Variants in UBR2 observed in about 807,000 individuals in gnomAD.
The protein encoded by UBR2 is ubiquitin protein ligase E3 component n-recognin 2.
Under a neutral mutation model 247.9 loss-of-function variants are expected in UBR2, and 92 were observed. That is an observed-to-expected ratio of 0.37 (90% CI 0.31 to 0.44). The LOEUF is 0.44. Ranked by LOEUF, UBR2 falls within the 20% of genes least tolerant of loss-of-function variation. The pLI is 1.00. For missense variants in UBR2, 1,613 were observed against 2,112.6 expected (o/e 0.76, Z 4.64); for synonymous variants, 672 against 693.5 (o/e 0.97, Z 0.49).
In UBR2 at chr6:42,650,383, C is replaced by A. The variant is rs914442940; in HGVS notation, c.2562C>A (p.Ser854=). The part of the protein sequence containing the change: ...YFYHFSRAEQ[S]KAEEAQRKLK... ...ATCACTTTTCAAGGGCAGAACAGTCCAAGGTAATTGGGAAAATTAAAAATG... is the reference window on the plus strand; with the variant it reads ...ATCACTTTTCAAGGGCAGAACAGTCAAAGGTAATTGGGAAAATTAAAAATG... Residue 854 remains serine (S), a synonymous_variant, in exon 23 of 47, where the codon TCC becomes TCA. Transcript: ENST00000372901. 3 of 1,610,042 alleles carry A rather than the reference C, an allele frequency of 1.9e-6. No homozygotes were observed. The Admixed American group carries it at 5.1e-5, about 27-fold the overall frequency.
chr6:42,683,953 G>T (rs1436334254), intron 43 of UBR2, among the ~76,000 whole-genome samples: 1 of 152,282 alleles, frequency 6.6e-6, no homozygotes, highest in Non-Finnish European at 1.5e-5. Flanking sequence ...GTCCATAAAA[G>T]TCAGAAGACT....
rs1052087891 is a variant in UBR2, at chr6:42,587,080, A to C, written c.339-5071A>C. Among the ~76,000 whole-genome samples, 4 of 152,072 alleles carry C rather than the reference A, an allele frequency of 2.6e-5. 1 individual carries two copies. Among genetic ancestry groups the C allele is most frequent in the Admixed American group, 1.3e-4 (2 of 15,260 alleles). On this transcript the variant is annotated intron_variant, in intron 2 of 46. Transcript: ENST00000372901. ...GGTAATCCACCTGCCTGAGCCTCCC[A>C]AAGTGCTGGAATTACAGGCATGAGC...
chr6:42,679,906 C>A, intron 42 of UBR2, 74 bp downstream of exon 42: 1 of 979,738 alleles, frequency 1.0e-6, no homozygotes. Flanking sequence ...ACATATGTAG[C>A]AAAATTCTCA....
At chr6:42,588,910 C>G (rs1000908415) in intron 2 of UBR2, among the ~76,000 whole-genome samples, 8 of 152,126 alleles carry the variant, frequency 5.3e-5, no homozygotes, top group Non-Finnish European at 1.2e-4. Flanking sequence ...TGTAGTTATT[C>G]CTTGTCAAGT....
chr6:42,580,547 ATT>A (rs35507530), intron 2 of UBR2, among the ~76,000 whole-genome samples: 2 of 148,838 alleles, frequency 1.3e-5, no homozygotes, highest in East Asian at 2.0e-4. Context: ...TTAATTGTAC[ATT>A]TTTTTTTTTT....
rs1213084811 is a variant in UBR2, at chr6:42,644,464, T to G, written c.2221-9T>G. 1 of 1,611,206 alleles carries G rather than the reference T, an allele frequency of 6.2e-7. No individual in the cohort carries two copies. Among genetic ancestry groups the G allele is most frequent in the South Asian group, 1.1e-5 (1 of 90,826 alleles). ...ATCTCTGAACTTTATCTTCCCTCAC[T>G]TGTTATAGGATGTTGTTCAGCAGAA... On this transcript the variant is annotated splice_polypyrimidine_tract_variant and intron_variant, in intron 19 of 46. Transcript: ENST00000372901.
intron 15 of UBR2, among the ~76,000 whole-genome samples, chr6:42,638,593 T>C (rs190662474): frequency 2.0e-5 from 3 of 152,332 alleles, no homozygotes; most frequent in Admixed American, 2.0e-4. Flanking sequence ...GGCCCAGTTT[T>C]GTTTTTATAA....
At chr6:42,606,723 G>T in intron 7 of UBR2, 72 bp downstream of exon 7, 2 of 1,302,180 alleles carry the variant, frequency 1.5e-6, no homozygotes, top group South Asian at 2.7e-5. Flanking sequence ...CAGCATTTAT[G>T]AACATGTCTT....
intron 25 of UBR2, among the ~76,000 whole-genome samples, chr6:42,654,987 G>C (rs1797352836): frequency 6.6e-6 from 1 of 152,112 alleles, no homozygotes; most frequent in African/African-American, 2.4e-5. Context: ...ATTCTTGGAA[G>C]GTTTTTTTAA....
At chr6:42,623,593 A>T (rs1795142240) in intron 11 of UBR2, among the ~76,000 whole-genome samples, 1 of 152,162 alleles carries the variant, frequency 6.6e-6, no homozygotes, top group South Asian at 2.1e-4. Context: ...CTGGGATTAC[A>T]GGTGCACACC....
At chr6:42,660,137 C>T (rs1797717569) in intron 30 of UBR2, among the ~76,000 whole-genome samples, 1 of 152,160 alleles carries the variant, frequency 6.6e-6, no homozygotes. Flanking sequence ...TTCCATCCTT[C>T]AGTACACTTG....
chr6:42,622,391 G>A (rs1467824689), intron 11 of UBR2, among the ~76,000 whole-genome samples: 2 of 147,624 alleles, frequency 1.4e-5, no homozygotes, highest in African/African-American at 2.5e-5. Context: ...CATTGTTTTT[G>A]GGTTTTTTGG....
chr6:42,590,226 A>C (rs982854896), intron 2 of UBR2, among the ~76,000 whole-genome samples: 2 of 152,208 alleles, frequency 1.3e-5, no homozygotes, highest in African/African-American at 2.4e-5. Context: ...AAGCTTGGAG[A>C]TGATGGCTTT....
chr6:42,604,107 A>T (rs1050296604), intron 5 of UBR2, among the ~76,000 whole-genome samples: 3 of 152,266 alleles, frequency 2.0e-5, no homozygotes, highest in South Asian at 2.1e-4. Flanking sequence ...GTTTGAATAC[A>T]TGCTCAAATT....
chr6:42,584,240 C>T (rs1792105865), intron 2 of UBR2, among the ~76,000 whole-genome samples: 1 of 152,150 alleles, frequency 6.6e-6, no homozygotes, highest in African/African-American at 2.4e-5. Flanking sequence ...AGGTGATCTG[C>T]CCACCTTGGC....
chr6:42,617,480 G>A lies in UBR2; in HGVS notation c.1254G>A (p.Ser418=), dbSNP rs528845849. 106 of 1,552,620 alleles carry A rather than the reference G, an allele frequency of 6.8e-5. No individual in the cohort carries two copies. The highest frequency in any genetic ancestry group is 7.7e-5 in the Non-Finnish European group (88 of 1,147,606). ...HDREFSVADL[S]VQIFTVPSLA... Reference sequence around the variant, plus strand: ...GAGAGTTTTCAGTCGCAGACCTCTCGGTTCAGATATTCACGGTTCCTTCAC... The same window carrying A: ...GAGAGTTTTCAGTCGCAGACCTCTCAGTTCAGATATTCACGGTTCCTTCAC... The change falls in exon 11 of 47, where the codon TCG becomes TCA. Residue 418 remains serine, a synonymous_variant. Transcript: ENST00000372901.
chr6:42,587,165 A>G (rs77494392), intron 2 of UBR2, among the ~76,000 whole-genome samples: 3,320 of 152,114 alleles, frequency 0.022, 112 homozygotes, highest in African/African-American at 0.075. Context: ...TTTTGCTTTA[A>G]CACATTAGTC....
At position 42,691,255 on chromosome 6, in the gene UBR2, T is replaced by A; in HGVS notation, c.*82T>A. The A allele has an allele frequency of 6.4e-7, 1 of 1,554,468 alleles. No individual in the cohort carries two copies. The highest frequency in any genetic ancestry group is 8.7e-7 in the Non-Finnish European group (1 of 1,147,388). On this transcript the variant is annotated 3_prime_UTR_variant, in exon 47 of 47. Coordinates refer to ENST00000372901, the MANE Select transcript of UBR2 (RefSeq NM_001363705.2). Reference sequence around the variant, plus strand: ...AGAAAGAAAGAAGTTCTGCTGAATTTGGAAATAAATTCTTTATTTAAACTT... The same window carrying A: ...AGAAAGAAAGAAGTTCTGCTGAATTAGGAAATAAATTCTTTATTTAAACTT...
intron 3 of UBR2, 133 bp from the exon 4 acceptor site, chr6:42,594,058 A>G (rs1345895311): frequency 8.9e-6 from 5 of 564,070 alleles, no homozygotes; most frequent in Non-Finnish European, 1.5e-5. Flanking sequence ...TTGGCATTTT[A>G]TCTAATTTTA....
Sources: allele counts gnomAD v4.1 joint callset (sites outside exome capture counted in the v4.1 genomes callset), GRCh38; gene constraint gnomAD v4.1.1; transcripts MANE v1.5; gene names NCBI Gene and HGNC (gene_info 2026-07-23, HGNC 2026-07-21).